Variants in TENM2 observed in about 807,000 individuals in gnomAD.
TENM2 encodes the protein teneurin-2.
TENM2 carries 52 observed loss-of-function variants against 245.2 expected under a neutral mutation model. The ratio of observed to expected loss-of-function variants is 0.21; its 90% CI spans 0.17 to 0.27. The LOEUF (loss-of-function observed/expected upper bound fraction) is 0.27, where lower values mean the gene tolerates loss of function less well. TENM2 is among the 10% of genes least tolerant of loss of function. The pLI is 1.00. For missense variants in TENM2, 3,046 were observed against 3,666.8 expected (o/e 0.83, Z 4.37); for synonymous variants, 1,363 against 1,438.9 (o/e 0.95, Z 1.19).
At chr5:167,885,192 G>A (rs906308011) in intron 3 of TENM2, among the ~76,000 whole-genome samples, 2 of 152,006 alleles carry the variant, frequency 1.3e-5, no homozygotes, top group African/African-American at 4.8e-5. Flanking sequence ...TTATCCTATT[G>A]CATAGGTTGT....
intron 2 of TENM2, among the ~76,000 whole-genome samples, chr5:167,828,507 G>A (rs549404139): frequency 2.0e-5 from 3 of 152,176 alleles, no homozygotes; most frequent in East Asian, 1.9e-4. Flanking sequence ...TTGATGCTGC[G>A]TCCTCAGCCC....
intron 3 of TENM2, among the ~76,000 whole-genome samples, chr5:167,897,313 A>G (rs1262200571): frequency 6.6e-6 from 1 of 151,050 alleles, no homozygotes; most frequent in Non-Finnish European, 1.5e-5. Context: ...CCTCCTGCTC[A>G]GAATTCAGAG....
At chr5:167,114,259 A>G in the TENM2 span, among the ~76,000 whole-genome samples, 4 of 152,184 alleles carry the variant, frequency 2.6e-5, no homozygotes, top group African/African-American at 7.2e-5. Flanking sequence ...ATTCAGTAAC[A>G]CTTTGAGTGT....
At chr5:167,485,357 G>A (rs1767994653) in intron 2 of TENM2, among the ~76,000 whole-genome samples, 1 of 152,118 alleles carries the variant, frequency 6.6e-6, no homozygotes. Flanking sequence ...CCACATTATA[G>A]CTTTTACTTA....
chr5:167,585,946 G>A (rs928072951), intron 2 of TENM2, among the ~76,000 whole-genome samples: 3 of 151,918 alleles, frequency 2.0e-5, no homozygotes, highest in Admixed American at 6.6e-5. Context: ...GCAACATGGC[G>A]AAACCGCATC....
At chr5:167,084,366 T>TATATATATATATATACACAC in the TENM2 span, among the ~76,000 whole-genome samples, 1 of 114,898 alleles carries the variant, frequency 8.7e-6, no homozygotes, top group Non-Finnish European at 1.9e-5. Flanking sequence ...TATATATATA[T>TATATATATATATATACACAC]ACAGATCAGA....
chr5:167,823,254 G>C (rs138311858), intron 2 of TENM2, among the ~76,000 whole-genome samples: 49 of 152,230 alleles, frequency 3.2e-4, no homozygotes, highest in African/African-American at 1.1e-3. Context: ...ATTTTCATCA[G>C]ATGCTTAGAA....
chr5:167,087,308 C>T, the TENM2 span, among the ~76,000 whole-genome samples: 14 of 152,180 alleles, frequency 9.2e-5, no homozygotes, highest in African/African-American at 2.2e-4. Flanking sequence ...GCTCAACGCA[C>T]GTCACCTGTT....
chr5:167,871,076 G>A (rs1001754330), intron 2 of TENM2, among the ~76,000 whole-genome samples: 7 of 152,060 alleles, frequency 4.6e-5, no homozygotes, highest in Non-Finnish European at 8.8e-5. Flanking sequence ...TTGGTCTTGG[G>A]GAATTAAGTC....
chr5:166,982,102 A>C, the TENM2 span, among the ~76,000 whole-genome samples: 3 of 152,288 alleles, frequency 2.0e-5, no homozygotes, highest in African/African-American at 7.2e-5. Flanking sequence ...GGTAACTTAG[A>C]TAGTTTCATT....
chr5:167,192,801 T>C, the TENM2 span, among the ~76,000 whole-genome samples: 3 of 152,094 alleles, frequency 2.0e-5, no homozygotes, highest in Non-Finnish European at 2.9e-5. Context: ...TCTGATTCTC[T>C]ATGTTATGTA....
intron 25 of TENM2, among the ~76,000 whole-genome samples, chr5:168,231,954 C>G (rs1391223670): frequency 6.6e-6 from 1 of 152,066 alleles, no homozygotes; most frequent in African/African-American, 2.4e-5. Context: ...GTAGTCCCAG[C>G]TATTCGGGAG....
At chr5:167,508,082 G>A (rs1309657913) in intron 2 of TENM2, among the ~76,000 whole-genome samples, 1 of 152,132 alleles carries the variant, frequency 6.6e-6, no homozygotes, top group African/African-American at 2.4e-5. Flanking sequence ...AAAGGCAGAT[G>A]TAATGCTATC....
chr5:167,989,268 A>AG (rs1783479313), intron 4 of TENM2, among the ~76,000 whole-genome samples: 1 of 144,948 alleles, frequency 6.9e-6, no homozygotes, highest in African/African-American at 2.6e-5. Flanking sequence ...AAGATAGAGA[A>AG]AGAGAGAGAG....
At chr5:167,301,180 G>C (rs2127736456) in intron 1 of TENM2, among the ~76,000 whole-genome samples, 1 of 152,370 alleles carries the variant, frequency 6.6e-6, no homozygotes, top group East Asian at 1.9e-4. Context: ...GAAGATCTGG[G>C]AAGGAGTCAG....
chr5:167,637,270 C>T (rs1779263779), intron 2 of TENM2, among the ~76,000 whole-genome samples: 1 of 152,012 alleles, frequency 6.6e-6, no homozygotes, highest in Admixed American at 6.6e-5. Flanking sequence ...ATTAACTTTG[C>T]TTGGGATGAA....
chr5:167,350,103 T>A (rs1758729917), intron 1 of TENM2, among the ~76,000 whole-genome samples: 1 of 152,184 alleles, frequency 6.6e-6, no homozygotes, highest in South Asian at 2.1e-4. Flanking sequence ...AAAGGTGGAA[T>A]AGGGCAGTGA....
chr5:167,896,390 G>A (rs1050227991), intron 3 of TENM2, among the ~76,000 whole-genome samples: 3 of 152,224 alleles, frequency 2.0e-5, no homozygotes, highest in African/African-American at 7.2e-5. Flanking sequence ...GAATCTGGCT[G>A]TGAAGGCCCT....
Position 168,190,619 on chromosome 5 carries a change from C to T in TENM2, c.2780+72C>T, listed in dbSNP as rs1760868177. 5 of 1,411,380 alleles carry T rather than the reference C, an allele frequency of 3.5e-6. No individual in the cohort carries two copies. In the South Asian group the frequency reaches 6.5e-5, roughly 18 times the overall value. 87.4% of individuals were successfully genotyped at this position (1,411,380 alleles called of 1,614,324 possible). ...TCCTGTTGGAGCCAGAGGCAGTTCTCCAGCTTTCCCGGGGACCCAATTGGC... is the reference window on the plus strand; with the variant it reads ...TCCTGTTGGAGCCAGAGGCAGTTCTTCAGCTTTCCCGGGGACCCAATTGGC... On this transcript the variant is annotated intron_variant, in intron 14 of 28. Coordinates refer to ENST00000518659, the Ensembl canonical transcript of TENM2.
Sources: gnomAD v4.1 joint callset for allele counts (sites outside exome capture counted in the v4.1 genomes callset) on GRCh38, gnomAD v4.1.1 for gene constraint, MANE v1.5 for transcripts, NCBI Gene and HGNC (gene_info 2026-07-23, HGNC 2026-07-21) for gene names.